The following ANO4 variants were observed in gnomAD, a reference collection of about 807,000 sequenced individuals.
ANO4 encodes anoctamin 4, also known as anoctamin-4.
A neutral mutation model predicts 141.9 loss-of-function variants in ANO4; 69 were observed. The ratio of observed to expected loss-of-function variants is 0.49; its 90% CI spans 0.40 to 0.59. The LOEUF (loss-of-function observed/expected upper bound fraction) is 0.59, where lower values mean the gene tolerates loss of function less well. Among genes scored for constraint, ANO4 ranks in the 20% least tolerant of loss-of-function variants. The pLI, the probability that ANO4 is intolerant of heterozygous loss-of-function variation, is 0.00. For synonymous variants in ANO4, 350 were observed against 394.3 expected (o/e 0.89, Z 1.33); for missense variants, 894 against 1,162.2 (o/e 0.77, Z 3.36).
intron 11 of ANO4, among the ~76,000 whole-genome samples, chr12:101,040,554 A>C (rs775458673): frequency 2.6e-5 from 4 of 152,236 alleles, no homozygotes; most frequent in Admixed American, 6.5e-5. Context: ...TCTGCAGATC[A>C]AAAAGTATAT....
At chr12:100,987,703 A>G (rs763734973) in intron 8 of ANO4, 33 bp downstream of exon 8, 8 of 1,610,266 alleles carry the variant, frequency 5.0e-6, no homozygotes, top group African/African-American at 2.7e-5. Flanking sequence ...CCATCTCACT[A>G]AGGATGTGCA....
chr12:101,010,956 G>T (rs1174114911), intron 8 of ANO4, among the ~76,000 whole-genome samples: 1 of 152,184 alleles, frequency 6.6e-6, no homozygotes, highest in African/African-American at 2.4e-5. Flanking sequence ...TTCACCTGGA[G>T]TCAACATGTG....
intron 1 of ANO4, among the ~76,000 whole-genome samples, chr12:100,803,831 T>C (rs549558034): frequency 1.3e-5 from 2 of 152,350 alleles, no homozygotes; most frequent in East Asian, 1.9e-4. Context: ...GCCTGCAAGA[T>C]GATTGCATTA....
intron 18 of ANO4, among the ~76,000 whole-genome samples, chr12:101,094,713 T>G (rs2049911630): frequency 6.6e-6 from 1 of 152,180 alleles, no homozygotes; most frequent in Non-Finnish European, 1.5e-5. Context: ...AGGCCAGGCA[T>G]GGTGGCTCAC....
intron 3 of ANO4, among the ~76,000 whole-genome samples, chr12:100,778,542 G>C (rs935525195): frequency 6.6e-6 from 1 of 152,136 alleles, no homozygotes; most frequent in African/African-American, 2.4e-5. Context: ...TCTGGATCTG[G>C]TTTAGGGCTG....
chr12:100,752,016 A>C (rs1443562490), intron 3 of ANO4, among the ~76,000 whole-genome samples: 1 of 152,198 alleles, frequency 6.6e-6, no homozygotes, highest in African/African-American at 2.4e-5. Context: ...CTAAAGACTT[A>C]ACTTCTTTGA....
chr12:100,760,989 CCTT>C (rs780721623), intron 3 of ANO4, among the ~76,000 whole-genome samples: 14 of 152,130 alleles, frequency 9.2e-5, no homozygotes, highest in Non-Finnish European at 1.9e-4. Context: ...TAACTTTCTC[CCTT>C]CTTCTTTCTC....
intron 3 of ANO4, among the ~76,000 whole-genome samples, chr12:100,778,426 C>T (rs1376979058): frequency 1.3e-5 from 2 of 152,120 alleles, no homozygotes; most frequent in Non-Finnish European, 2.9e-5. Context: ...ATTATGGCAG[C>T]CTAGTTCCAG....
At chr12:100,872,164 C>T (rs1179126940) in intron 1 of ANO4, among the ~76,000 whole-genome samples, 3 of 152,120 alleles carry the variant, frequency 2.0e-5, no homozygotes, top group Non-Finnish European at 4.4e-5. Flanking sequence ...TTATTGAATA[C>T]CTTACTAAAT....
At chr12:101,005,568 T>C (rs952709062) in intron 8 of ANO4, among the ~76,000 whole-genome samples, 4 of 152,190 alleles carry the variant, frequency 2.6e-5, no homozygotes, top group African/African-American at 9.7e-5. Context: ...CTGTAACTTG[T>C]AAGGTATGTG....
At chr12:100,731,217 C>A (rs1351675960) in intron 1 of ANO4, among the ~76,000 whole-genome samples, 1 of 152,142 alleles carries the variant, frequency 6.6e-6, no homozygotes, top group Admixed American at 6.6e-5. Context: ...TCAGAATTTT[C>A]TTATTGTCAC....
intron 8 of ANO4, among the ~76,000 whole-genome samples, chr12:101,002,566 T>G (rs1023614751): frequency 6.6e-6 from 1 of 152,224 alleles, no homozygotes; most frequent in African/African-American, 2.4e-5. Context: ...ATGACTATTT[T>G]TCCTCTTCCC....
intron 1 of ANO4, among the ~76,000 whole-genome samples, chr12:100,848,776 C>G (rs1318075107): frequency 6.6e-6 from 1 of 152,138 alleles, no homozygotes; most frequent in Non-Finnish European, 1.5e-5. Flanking sequence ...ACATGTTTTG[C>G]CCCCTCCATG....
intron 2 of ANO4, among the ~76,000 whole-genome samples, chr12:100,913,118 C>A (rs1240952427): frequency 6.6e-6 from 1 of 152,064 alleles, no homozygotes; most frequent in Non-Finnish European, 1.5e-5. Context: ...CCACATTCTT[C>A]TCTTATTTGC....
At chr12:100,776,185 C>CT (rs2135565379) in intron 3 of ANO4, among the ~76,000 whole-genome samples, 1 of 152,224 alleles carries the variant, frequency 6.6e-6, no homozygotes, top group South Asian at 2.1e-4. Context: ...TTTTCATAGC[C>CT]AGGAATGAGG....
intron 1 of ANO4, among the ~76,000 whole-genome samples, chr12:100,889,838 G>A (rs185848007): frequency 8.0e-4 from 122 of 152,206 alleles, no homozygotes; most frequent in African/African-American, 2.9e-3. Context: ...TCATAAATCA[G>A]TGTTCAAATG....
intron 3 of ANO4, among the ~76,000 whole-genome samples, chr12:100,926,076 T>G (rs1387013350): frequency 1.3e-5 from 2 of 152,090 alleles, no homozygotes; most frequent in African/African-American, 4.8e-5. Context: ...GGATATATGG[T>G]TACTATGTGA....
intron 22 of ANO4, among the ~76,000 whole-genome samples, chr12:101,104,652 TATATATATATATATATATAA>T (rs879799494): frequency 0.19 from 17,945 of 94,862 alleles, 1,506 homozygotes; most frequent in Admixed American, 0.27. Flanking sequence ...TATATATATA[TATATATATATATATATATAA>T]ATAAAAAGAT....
intron 8 of ANO4, among the ~76,000 whole-genome samples, chr12:101,004,044 G>A (rs1249581211): frequency 6.6e-6 from 1 of 151,898 alleles, no homozygotes; most frequent in East Asian, 1.9e-4. Context: ...CAGAGAAGGA[G>A]GTCTCCTCTC....
Sources: gnomAD v4.1 joint callset for allele counts (sites outside exome capture counted in the v4.1 genomes callset) on GRCh38, gnomAD v4.1.1 for gene constraint, MANE v1.5 for transcripts, NCBI Gene and HGNC (gene_info 2026-07-23, HGNC 2026-07-21) for gene names.